TBC1D22A: variants seen among roughly 807,000 people sequenced by gnomAD.
TBC1D22A encodes the protein TBC1 domain family member 22A.
In TBC1D22A, 38 loss-of-function variants were observed where a neutral mutation model predicts 60.2. The observed-to-expected ratio is 0.63, with a 90% confidence interval of 0.49 to 0.83. TBC1D22A has a LOEUF of 0.83. Ranked by LOEUF, TBC1D22A falls within the 40% of genes least tolerant of loss-of-function variation. The probability of loss-of-function intolerance (pLI) is 0.00; values close to 1 mark genes in which losing one functional copy is unlikely to be tolerated. For missense variants in TBC1D22A, 628 were observed against 701.0 expected (o/e 0.90, Z 1.18); for synonymous variants, 302 against 281.7 (o/e 1.07, Z -0.72).
intron 5 of TBC1D22A, 80 bp from the exon 6 acceptor site, chr22:46,891,186 T>C (rs1288149693): frequency 1.4e-6 from 2 of 1,437,528 alleles, no homozygotes; most frequent in Non-Finnish European, 1.8e-6. Flanking sequence ...ATGATGCAAG[T>C]CTTTTTATTT....
chr22:46,821,104 C>T (rs1248029276), intron 4 of TBC1D22A, among the ~76,000 whole-genome samples: 3 of 149,764 alleles, frequency 2.0e-5, no homozygotes, highest in Non-Finnish European at 4.4e-5. Flanking sequence ...TTCCTGCATC[C>T]CTTTATTTCG....
chr22:46,920,795 G>A (rs1237773553), intron 8 of TBC1D22A, among the ~76,000 whole-genome samples: 1 of 146,156 alleles, frequency 6.8e-6, no homozygotes, highest in South Asian at 2.1e-4. Context: ...TTTTTTTTGA[G>A]ATGGTGTCTC....
rs780841447 is a variant in TBC1D22A at position 46,921,206 on chromosome 22, C to T, written c.1015+9018C>T. On this transcript the variant is annotated intron_variant, in intron 8 of 12. Transcript: ENST00000337137. Reference sequence around the variant, plus strand: ...TTACCCAGGTAATAAGCGTAGTACCCGAGAGGTAGTTTCTCGATTCTGACC... The same window carrying T: ...TTACCCAGGTAATAAGCGTAGTACCTGAGAGGTAGTTTCTCGATTCTGACC... 8.5e-5 allele frequency among the ~76,000 whole-genome samples: 13 copies of T among 152,216 alleles called. 1 individual carries two copies. Among genetic ancestry groups the T allele is most frequent in the South Asian group, 4.2e-4 (2 of 4,818 alleles).
At chr22:47,140,568 AAG>A (rs928914444) in intron 12 of TBC1D22A, among the ~76,000 whole-genome samples, 1 of 148,782 alleles carries the variant, frequency 6.7e-6, no homozygotes, top group Non-Finnish European at 1.5e-5. Flanking sequence ...AAAAAAAAAA[AAG>A]AAAGAAAGAA....
chr22:46,968,067 C>T (rs1479327782), intron 8 of TBC1D22A, among the ~76,000 whole-genome samples: 1 of 152,202 alleles, frequency 6.6e-6, no homozygotes, highest in East Asian at 1.9e-4. Context: ...GCTTGGGTGG[C>T]CTTGTGGTGA....
chr22:46,953,773 A>T (rs1483593145), intron 8 of TBC1D22A, among the ~76,000 whole-genome samples: 3 of 152,222 alleles, frequency 2.0e-5, no homozygotes, highest in African/African-American at 7.2e-5. Context: ...GAATTCTGTC[A>T]AAGTTAGCCA....
At chr22:46,902,553 A>G (rs1011677916) in intron 7 of TBC1D22A, among the ~76,000 whole-genome samples, 5 of 152,266 alleles carry the variant, frequency 3.3e-5, no homozygotes, top group Admixed American at 6.5e-5. Context: ...GCTAGATAAT[A>G]TCACCACTTA....
intron 4 of TBC1D22A, among the ~76,000 whole-genome samples, chr22:46,800,914 A>G (rs1243661348): frequency 6.6e-6 from 1 of 152,202 alleles, no homozygotes; most frequent in Non-Finnish European, 1.5e-5. Flanking sequence ...TGGTGAAAGC[A>G]AGATTTGCCT....
intron 12 of TBC1D22A, among the ~76,000 whole-genome samples, chr22:47,161,555 T>G (rs1342162242): frequency 6.6e-6 from 1 of 152,234 alleles, no homozygotes; most frequent in East Asian, 1.9e-4. Flanking sequence ...TGAAAAAGTT[T>G]AAAATACAGA....
At chr22:47,166,012 CT>C (rs1469047557) in intron 12 of TBC1D22A, among the ~76,000 whole-genome samples, 2 of 152,228 alleles carry the variant, frequency 1.3e-5, no homozygotes, top group African/African-American at 4.8e-5. Flanking sequence ...GCAAATGGGC[CT>C]TTTAGCCCCA....
chr22:46,956,873 A>G (rs1310069368), intron 8 of TBC1D22A, among the ~76,000 whole-genome samples: 1 of 152,224 alleles, frequency 6.6e-6, no homozygotes, highest in Admixed American at 6.5e-5. Context: ...TCCGGGATTT[A>G]CATGTTTTTT....
intron 11 of TBC1D22A, among the ~76,000 whole-genome samples, chr22:47,069,394 T>C (rs910520401): frequency 5.3e-5 from 8 of 152,148 alleles, no homozygotes; most frequent in Admixed American, 5.2e-4. Context: ...GCTCCATGGC[T>C]CTTGGGAGTG....
At chr22:46,957,343 C>T (rs1181810508) in intron 8 of TBC1D22A, among the ~76,000 whole-genome samples, 2 of 152,234 alleles carry the variant, frequency 1.3e-5, no homozygotes, top group East Asian at 1.9e-4. Context: ...CACAGTTCTG[C>T]AGGCTTAACA....
intron 6 of TBC1D22A, among the ~76,000 whole-genome samples, chr22:46,892,206 C>T (rs2068441565): frequency 6.6e-6 from 1 of 151,730 alleles, no homozygotes; most frequent in Non-Finnish European, 1.5e-5. Flanking sequence ...TTTCCCTCTG[C>T]AAACCCTGCT....
chr22:47,011,457 C>T (rs1209728923), intron 10 of TBC1D22A, among the ~76,000 whole-genome samples: 1 of 152,194 alleles, frequency 6.6e-6, no homozygotes, highest in Non-Finnish European at 1.5e-5. Context: ...GTCGTTGCTT[C>T]TTTTTTGGCT....
intron 7 of TBC1D22A, among the ~76,000 whole-genome samples, chr22:46,901,594 A>G (rs1169821548): frequency 1.3e-5 from 2 of 152,182 alleles, no homozygotes; most frequent in South Asian, 2.1e-4. Context: ...ACATATAGTC[A>G]GTAGTTTTGG....
At chr22:46,912,033 T>C in intron 7 of TBC1D22A, 41 bp from the exon 8 acceptor site, 1 of 1,384,240 alleles carries the variant, frequency 7.2e-7, no homozygotes, top group Non-Finnish European at 1.0e-6. Flanking sequence ...GTTTCTGCCA[T>C]GTTTACTTTT....
chr22:47,157,511 G>A (rs1222001056), intron 12 of TBC1D22A, among the ~76,000 whole-genome samples: 3 of 152,226 alleles, frequency 2.0e-5, no homozygotes, highest in African/African-American at 7.2e-5. Flanking sequence ...GGGCCAGGAT[G>A]TGGTTCTCCC....
At chr22:46,930,557 G>A (rs973867751) in intron 8 of TBC1D22A, among the ~76,000 whole-genome samples, 2 of 151,972 alleles carry the variant, frequency 1.3e-5, no homozygotes, top group African/African-American at 4.8e-5. Context: ...CCAGGTTCAT[G>A]CCGTTCTTCT....
Sources: allele counts gnomAD v4.1 joint callset (sites outside exome capture counted in the v4.1 genomes callset), GRCh38; gene constraint gnomAD v4.1.1; transcripts MANE v1.5; gene names NCBI Gene and HGNC (gene_info 2026-07-23, HGNC 2026-07-21).